The following TRPM1 variants were observed in gnomAD, a reference collection of about 807,000 sequenced individuals.
The protein encoded by TRPM1 is transient receptor potential cation channel subfamily M member 1.
TRPM1 carries 113 observed loss-of-function variants against 149.4 expected under a neutral mutation model. The observed-to-expected ratio is 0.76, with a 90% confidence interval of 0.65 to 0.88. The LOEUF is 0.88. TRPM1 is among the 40% of genes least tolerant of loss of function. The pLI, the probability that TRPM1 is intolerant of heterozygous loss-of-function variation, is 0.00. For synonymous variants in TRPM1, 741 were observed against 759.5 expected (o/e 0.98, Z 0.40); for missense variants, 1,976 against 2,038.7 (o/e 0.97, Z 0.59).
At chr15:31,025,988 T>G in intron 27 of TRPM1, 151 bp downstream of exon 27, 1 of 1,101,974 alleles carries the variant, frequency 9.1e-7, no homozygotes, top group Non-Finnish European at 1.3e-6. Context: ...TTCTCACTAT[T>G]TCGTGGGAAC....
At chr15:31,007,554 T>G (rs2032034513) in intron 27 of TRPM1, among the ~76,000 whole-genome samples, 1 of 152,126 alleles carries the variant, frequency 6.6e-6, no homozygotes, top group Non-Finnish European at 1.5e-5. Flanking sequence ...ACAATCCCAG[T>G]GCTTCGGGAG....
chr15:31,062,700 A>T lies in TRPM1; in HGVS notation c.968T>A (p.Ile323Lys). ...FAHKYCEEGG[I>K]INESLREQLL... ...CTGCTCCCTGAGGGACTCATTTATT[A>T]TTCTGTTCAAAGAAAATGCAAGAGA... Residue 323 changes from isoleucine (I) to lysine (K), a missense_variant and splice_region_variant, in exon 9 of 28, where the codon ATA becomes AAA. Transcript: ENST00000256552. 6.2e-7 allele frequency: 1 copy of T among 1,613,930 alleles called. No homozygotes were observed. Among genetic ancestry groups the T allele is most frequent in the Non-Finnish European group, 8.5e-7 (1 of 1,179,984 alleles).
Position 31,041,303 on chromosome 15 carries a change from C to T in TRPM1, c.2087+648G>A, listed in dbSNP as rs143184683. 9.9e-3 allele frequency among the ~76,000 whole-genome samples: 1,499 copies of T among 152,160 alleles called. 23 individuals are homozygous for T. The highest frequency in any genetic ancestry group is 0.012 in the Non-Finnish European group (798 of 67,996). On this transcript the variant is annotated intron_variant, in intron 17 of 27. Coordinates refer to ENST00000256552, the MANE Select transcript of TRPM1 (RefSeq NM_001252024.2). ...CCGAGTAGCTGGGACTACAGGCGCC[C>T]GCCACTACGCCGGGCTAAAATATAT...
intron 13 of TRPM1, 149 bp from the exon 14 acceptor site, chr15:31,048,088 C>T: frequency 1.4e-6 from 1 of 737,042 alleles, no homozygotes; most frequent in Admixed American, 1.8e-5. Context: ...CATGGTGAAA[C>T]CCCATCTCTA....
At chr15:31,051,521 T>C (rs2033948519) in intron 11 of TRPM1, among the ~76,000 whole-genome samples, 1 of 152,244 alleles carries the variant, frequency 6.6e-6, no homozygotes, top group South Asian at 2.1e-4. Flanking sequence ...CTCCACTGCC[T>C]GCTTCCTCCT....
chr15:31,048,085 A>G (rs1352787752), intron 13 of TRPM1, 146 bp from the exon 14 acceptor site: 2 of 745,590 alleles, frequency 2.7e-6, no homozygotes, highest in Admixed American at 1.8e-5. Context: ...CAACATGGTG[A>G]AACCCCATCT....
At chr15:31,014,141 G>A (rs1057143587) in intron 27 of TRPM1, among the ~76,000 whole-genome samples, 1 of 152,150 alleles carries the variant, frequency 6.6e-6, no homozygotes. Flanking sequence ...GCTTTTCAAA[G>A]CTCTTATGGA....
chr15:31,009,738 T>TTCA (rs2032115305), intron 27 of TRPM1, among the ~76,000 whole-genome samples: 2 of 152,216 alleles, frequency 1.3e-5, no homozygotes, highest in Non-Finnish European at 2.9e-5. Flanking sequence ...TTAGCCCATT[T>TTCA]ACTCTCTTGT....
In TRPM1 at chr15:31,119,377, A is replaced by G. The variant is rs141931020; in HGVS notation, c.54+41529T>C. Among the ~76,000 whole-genome samples, 307 of 152,312 alleles carry G rather than the reference A, an allele frequency of 2.0e-3. 1 individual carries two copies. Among genetic ancestry groups the G allele is most frequent in the African/African-American group, 7.0e-3 (293 of 41,582 alleles). ...AGAAATATTTCAAGTGTTAAAAGAA[A>G]CAAACCAACAACCTAGATTCTGTAT... On this transcript the variant is annotated intron_variant, in intron 1 of 26. Transcript: ENST00000542188.
In TRPM1 at chr15:31,097,025, C is replaced by T. The variant is rs538570897; in HGVS notation, c.-84+4632G>A. Among the ~76,000 whole-genome samples the T allele has an allele frequency of 4.6e-5, 7 of 152,284 alleles. No homozygotes were observed. The South Asian group carries it at 1.2e-3, about 27-fold the overall frequency. On this transcript the variant is annotated intron_variant, in intron 1 of 27. Transcript: ENST00000256552. ...CAGCACGGGAATCAGACTGCCGGGC[C>T]CCTTTGTTGCTCTGCTCTTTTTCTA...
chr15:31,137,101 T>C (rs1470420529), intron 1 of TRPM1, among the ~76,000 whole-genome samples: 1 of 152,202 alleles, frequency 6.6e-6, no homozygotes, highest in Non-Finnish European at 1.5e-5. Flanking sequence ...CAAGGTTAAT[T>C]TGTGCTGTGG....
chr15:31,046,369 A>G (rs941524796), intron 15 of TRPM1, 136 bp from the exon 16 acceptor site: 5 of 827,254 alleles, frequency 6.0e-6, no homozygotes, highest in Non-Finnish European at 1.0e-5. Context: ...TAATGATAAT[A>G]TCCAAGGAAA....
intron 27 of TRPM1, among the ~76,000 whole-genome samples, chr15:31,019,207 A>G (rs541929251): frequency 1.2e-4 from 19 of 152,330 alleles, no homozygotes; most frequent in Middle Eastern, 3.4e-3. Context: ...CTGATCATAA[A>G]GTTGTCTTAT....
At chr15:31,117,489 GA>G (rs1053817172) in intron 1 of TRPM1, among the ~76,000 whole-genome samples, 2,164 of 147,556 alleles carry the variant, frequency 0.015, 55 homozygotes, top group African/African-American at 0.051. Context: ...TCTGTCTCAG[GA>G]AAAAAAAAAT....
intron 6 of TRPM1, 60 bp from the exon 7 acceptor site, chr15:31,066,307 G>A (rs1326910592): frequency 6.3e-7 from 1 of 1,588,986 alleles, no homozygotes; most frequent in East Asian, 2.2e-5. Flanking sequence ...ACCAACAAGG[G>A]AAGCAAGCAC....
intron 1 of TRPM1, among the ~76,000 whole-genome samples, chr15:31,113,346 A>G (rs530026694): frequency 3.3e-5 from 5 of 152,200 alleles, no homozygotes; most frequent in Non-Finnish European, 4.4e-5. Context: ...ACTTGGAAAG[A>G]GCCAGGGCCA....
intron 11 of TRPM1, among the ~76,000 whole-genome samples, chr15:31,059,422 TAGA>T (rs2034166788): frequency 6.6e-6 from 1 of 152,170 alleles, no homozygotes; most frequent in Non-Finnish European, 1.5e-5. Flanking sequence ...TTTTATGTTT[TAGA>T]GATGGGATCT....
At chr15:31,093,427 T>C (rs1419172709) in intron 1 of TRPM1, among the ~76,000 whole-genome samples, 1 of 151,798 alleles carries the variant, frequency 6.6e-6, no homozygotes, top group Admixed American at 6.6e-5. Context: ...TATAATAACA[T>C]CAAAAATCAG....
chr15:31,158,626 CA>C (rs749062439), intron 1 of TRPM1, among the ~76,000 whole-genome samples: 962 of 59,774 alleles, frequency 0.016, 5 homozygotes, highest in East Asian at 0.056. Flanking sequence ...GACTCCATCT[CA>C]AAAAAAAAAA....
Sources: allele counts gnomAD v4.1 joint callset (sites outside exome capture counted in the v4.1 genomes callset), GRCh38; gene constraint gnomAD v4.1.1; transcripts MANE v1.5; gene names NCBI Gene and HGNC (gene_info 2026-07-23, HGNC 2026-07-21).